The following SORCS2 variants were observed in gnomAD, a reference collection of about 807,000 sequenced individuals.
The protein encoded by SORCS2 is sortilin related VPS10 domain containing receptor 2, also known as VPS10 domain-containing receptor SorCS2.
In SORCS2, 100 loss-of-function variants were observed where a neutral mutation model predicts 141.6. That is an observed-to-expected ratio of 0.71 (90% confidence interval 0.60 to 0.83). The LOEUF (loss-of-function observed/expected upper bound fraction) is 0.83, where lower values mean the gene tolerates loss of function less well. Ranked by LOEUF, SORCS2 falls within the 40% of genes least tolerant of loss-of-function variation. The pLI, the probability that SORCS2 is intolerant of heterozygous loss-of-function variation, is 0.00. For synonymous variants in SORCS2, 789 were observed against 676.9 expected, an observed-to-expected ratio of 1.17 and a Z score of -2.57; for missense variants, 1,646 against 1,560.2, an observed-to-expected ratio of 1.05 and a Z score of -0.93.
intron 2 of SORCS2, among the ~76,000 whole-genome samples, chr4:7,511,864 G>C (rs1732676163): frequency 6.6e-6 from 1 of 152,136 alleles, no homozygotes; most frequent in Non-Finnish European, 1.5e-5. Context: ...TGTCTTCAGG[G>C]GGGAAATGTC....
At chr4:7,654,326 C>A in intron 5 of SORCS2, 119 bp downstream of exon 5, 1 of 1,054,914 alleles carries the variant, frequency 9.5e-7, no homozygotes, top group Non-Finnish European at 1.4e-6. Context: ...CCTCCCCATC[C>A]CGGGGCTGGG....
chr4:7,334,793 C>T (rs548495550), intron 1 of SORCS2, among the ~76,000 whole-genome samples: 27 of 152,140 alleles, frequency 1.8e-4, no homozygotes, highest in Non-Finnish European at 3.1e-4. Flanking sequence ...TCCTCCTGGC[C>T]GGCTTCATGG....
intron 14 of SORCS2, among the ~76,000 whole-genome samples, chr4:7,706,921 G>C (rs1382915557): frequency 2.0e-5 from 3 of 152,172 alleles, no homozygotes; most frequent in Non-Finnish European, 2.9e-5. Context: ...TGCTGTGGCT[G>C]GGAGACACCA....
intron 2 of SORCS2, among the ~76,000 whole-genome samples, chr4:7,490,034 G>A (rs954097877): frequency 6.6e-6 from 1 of 152,210 alleles, no homozygotes; most frequent in Non-Finnish European, 1.5e-5. Context: ...CAGACAACAG[G>A]AGGAGTCTGA....
intron 3 of SORCS2, among the ~76,000 whole-genome samples, chr4:7,556,824 TACCCATCCATCC>T (rs1486352702): frequency 7.4e-5 from 10 of 135,788 alleles, no homozygotes; most frequent in Non-Finnish European, 1.6e-4. Context: ...TCCATCCATC[TACCCATCCATCC>T]ACCTACCACC....
intron 1 of SORCS2, among the ~76,000 whole-genome samples, chr4:7,221,332 G>A (rs1728694027): frequency 6.6e-6 from 1 of 152,232 alleles, no homozygotes; most frequent in African/African-American, 2.4e-5. Context: ...GGGCCTACGG[G>A]TGGACCCAGT....
chr4:7,468,505 C>T (rs546928905), intron 2 of SORCS2, among the ~76,000 whole-genome samples: 4 of 152,340 alleles, frequency 2.6e-5, no homozygotes, highest in African/African-American at 9.6e-5. Context: ...GGTTACTTTC[C>T]TTCTGTGTAA....
intron 5 of SORCS2, among the ~76,000 whole-genome samples, chr4:7,655,861 T>C (rs1177958029): frequency 6.6e-6 from 1 of 152,030 alleles, no homozygotes; most frequent in Non-Finnish European, 1.5e-5. Flanking sequence ...CATGGACAGC[T>C]CTCCAGCCAG....
intron 2 of SORCS2, among the ~76,000 whole-genome samples, chr4:7,418,856 G>T (rs1725867413): frequency 6.6e-6 from 1 of 152,180 alleles, no homozygotes; most frequent in Admixed American, 6.5e-5. Context: ...CAATTATCTT[G>T]GTGGCTCTCT....
At chr4:7,373,727 A>G (rs183192746) in intron 1 of SORCS2, among the ~76,000 whole-genome samples, 1,841 of 151,202 alleles carry the variant, frequency 0.012, 19 homozygotes, top group African/African-American at 0.021. Flanking sequence ...CCTGACCTCA[A>G]GTGATCCACC....
intron 1 of SORCS2, among the ~76,000 whole-genome samples, chr4:7,329,645 G>A (rs962863630): frequency 2.2e-4 from 34 of 152,126 alleles, no homozygotes; most frequent in African/African-American, 6.8e-4. Context: ...GTTTCCCACC[G>A]CTGCTGTAAC....
chr4:7,594,456 G>A (rs1230129260), intron 3 of SORCS2, among the ~76,000 whole-genome samples: 1 of 152,216 alleles, frequency 6.6e-6, no homozygotes, highest in African/African-American at 2.4e-5. Context: ...TTGCTTGGCT[G>A]GAAGCCCCGG....
At chr4:7,560,028 G>A (rs113970702) in intron 3 of SORCS2, among the ~76,000 whole-genome samples, 5 of 152,304 alleles carry the variant, frequency 3.3e-5, no homozygotes, top group Middle Eastern at 6.8e-3. Flanking sequence ...AATTAAAGGC[G>A]GGGAGGCTTC....
intron 3 of SORCS2, among the ~76,000 whole-genome samples, chr4:7,556,787 CACAT>C (rs1714149881): frequency 6.6e-6 from 1 of 150,486 alleles, no homozygotes. Flanking sequence ...TACCCACCCA[CACAT>C]CCATCCACTT....
intron 3 of SORCS2, among the ~76,000 whole-genome samples, chr4:7,567,784 A>G (rs186511810): frequency 6.6e-6 from 1 of 152,282 alleles, no homozygotes; most frequent in African/African-American, 2.4e-5. Flanking sequence ...TCTGCATGGG[A>G]GGTGTGTCTC....
chr4:7,646,429 A>G (rs1721082930), intron 4 of SORCS2, among the ~76,000 whole-genome samples: 1 of 152,168 alleles, frequency 6.6e-6, no homozygotes, highest in Non-Finnish European at 1.5e-5. Context: ...TGATCATTAG[A>G]CTATTAGGGT....
chr4:7,251,417 T>C (rs946368369), intron 1 of SORCS2, among the ~76,000 whole-genome samples: 1 of 152,220 alleles, frequency 6.6e-6, no homozygotes, highest in Non-Finnish European at 1.5e-5. Flanking sequence ...GGACTGATTT[T>C]CACCTTGTCC....
chr4:7,715,171 C>A lies in SORCS2; in HGVS notation c.2124-12C>A. The A allele has an allele frequency of 6.2e-7, 1 of 1,612,960 alleles. No individual in the cohort carries two copies. On this transcript the variant is annotated splice_polypyrimidine_tract_variant and intron_variant, in intron 16 of 26. Coordinates refer to ENST00000507866, the MANE Select transcript of SORCS2 (RefSeq NM_020777.3). The stretch of plus-strand genomic sequence containing the variant: ...GTGCCCGTCACTTACCACTACTCTT[C>A]CCTCCTCCCAGCGACTACGGATTTG...
intron 2 of SORCS2, among the ~76,000 whole-genome samples, chr4:7,447,886 G>A (rs938551264): frequency 3.3e-5 from 5 of 152,168 alleles, no homozygotes; most frequent in African/African-American, 4.8e-5. Context: ...CTGCAGATAC[G>A]GCAGAGGTGT....
Sources: allele counts gnomAD v4.1 joint callset (sites outside exome capture counted in the v4.1 genomes callset), GRCh38; gene constraint gnomAD v4.1.1; transcripts MANE v1.5; gene names NCBI Gene and HGNC (gene_info 2026-07-23, HGNC 2026-07-21).